Variants in ANKRD28 observed in about 807,000 individuals in gnomAD.
The protein encoded by ANKRD28 is serine/threonine-protein phosphatase 6 regulatory ankyrin repeat subunit A.
In ANKRD28, 44 loss-of-function variants were observed where a neutral mutation model predicts 126.5. That is an observed-to-expected ratio of 0.35 (90% CI 0.27 to 0.45). The LOEUF (loss-of-function observed/expected upper bound fraction) is 0.45, where lower values mean the gene tolerates loss of function less well. ANKRD28 is among the 20% of genes least tolerant of loss of function. ANKRD28 has a pLI of 1.00. For synonymous variants in ANKRD28, 442 were observed against 468.5 expected (o/e 0.94, Z 0.73); for missense variants, 1,110 against 1,316.6 (o/e 0.84, Z 2.43).
intron 7 of ANKRD28, among the ~76,000 whole-genome samples, chr3:15,722,150 G>C (rs1267991650): frequency 1.3e-5 from 2 of 152,156 alleles, no homozygotes; most frequent in Non-Finnish European, 2.9e-5. Context: ...CCTGGCTTCA[G>C]GGAGGTAGGT....
intron 26 of ANKRD28, chr3:15,676,194 C>T (rs546318399): frequency 1.5e-5 from 6 of 403,760 alleles, no homozygotes; most frequent in Non-Finnish European, 2.6e-5. Flanking sequence ...ACGTGTAGCT[C>T]GGCATCAAGC....
At chr3:15,798,676 C>A (rs895971622), upstream of ANKRD28, among the ~76,000 whole-genome samples, 41 of 152,110 alleles carry the variant, frequency 2.7e-4, no homozygotes, top group Admixed American at 2.1e-3. Flanking sequence ...TCCTGAATTA[C>A]CTATGTCAAA....
chr3:15,671,590 T>TG (rs2066364539), intron 27 of ANKRD28, among the ~76,000 whole-genome samples: 3 of 136,728 alleles, frequency 2.2e-5, no homozygotes, highest in African/African-American at 8.0e-5. Flanking sequence ...TTTTTTTTTG[T>TG]TTTTTTTTTT....
chr3:15,692,143 A>AT (rs1491098461), intron 17 of ANKRD28, among the ~76,000 whole-genome samples: 102 of 128,378 alleles, frequency 7.9e-4, no homozygotes, highest in African/African-American at 2.1e-3. Context: ...GTATCTCTAA[A>AT]TAAAAAAAAA....
intron 15 of ANKRD28, among the ~76,000 whole-genome samples, chr3:15,695,506 G>A (rs1210630116): frequency 2.0e-5 from 3 of 151,900 alleles, no homozygotes; most frequent in Non-Finnish European, 2.9e-5. Flanking sequence ...TTATATCTAC[G>A]CTCGTTGAAT....
intron 1 of ANKRD28, among the ~76,000 whole-genome samples, chr3:15,840,878 C>A (rs765442852): frequency 5.9e-5 from 9 of 152,218 alleles, no homozygotes; most frequent in African/African-American, 1.7e-4. Flanking sequence ...TGGTGGCTCA[C>A]GCCTGTAATC....
intron 3 of ANKRD28, among the ~76,000 whole-genome samples, chr3:15,765,244 G>C (rs1471667791): frequency 2.0e-5 from 3 of 152,068 alleles, no homozygotes; most frequent in Non-Finnish European, 4.4e-5. Context: ...CACAATAGGA[G>C]CTATTCTATC....
intron 8 of ANKRD28, among the ~76,000 whole-genome samples, chr3:15,720,323 A>T (rs1559402744): frequency 6.6e-6 from 1 of 152,154 alleles, no homozygotes; most frequent in Non-Finnish European, 1.5e-5. Flanking sequence ...ACATCCATAT[A>T]CATACCATCT....
In ANKRD28 at chr3:15,734,667, C is replaced by T. The variant is rs190241521; in HGVS notation, c.640+743G>A. 9.3e-4 allele frequency among the ~76,000 whole-genome samples: 142 copies of T among 152,276 alleles called. 3 individuals carry two copies. The highest frequency in any genetic ancestry group is 9.1e-3 in the Admixed American group (139 of 15,278). Reference sequence around the variant, plus strand: ...CTTTAAGGATTTATGGCAAGGTGTACTTTCTCTATACTTAGAGATCTACCT... The same window carrying T: ...CTTTAAGGATTTATGGCAAGGTGTATTTTCTCTATACTTAGAGATCTACCT... On this transcript the variant is annotated intron_variant, in intron 6 of 27. Transcript: ENST00000683139.
intron 18 of ANKRD28, 26 bp downstream of exon 18, chr3:15,689,993 T>C (rs2068600387): frequency 6.4e-7 from 1 of 1,559,144 alleles, no homozygotes; most frequent in Non-Finnish European, 8.7e-7. Context: ...AAGTTATAAA[T>C]AAATCAAGCA....
chr3:15,689,327 T>G (rs897074321), intron 18 of ANKRD28, among the ~76,000 whole-genome samples: 2 of 152,230 alleles, frequency 1.3e-5, no homozygotes, highest in Non-Finnish European at 2.9e-5. Flanking sequence ...TAGTGGGGCT[T>G]CTGTCTGGAG....
rs186191173 is a variant in ANKRD28 at position 15,695,436 on chromosome 3, G to C, written c.1660-222C>G. 2.8e-3 allele frequency among the ~76,000 whole-genome samples: 431 copies of C among 152,202 alleles called. 2 individuals are homozygous for C. Among genetic ancestry groups the C allele is most frequent in the Middle Eastern group, 0.01 (3 of 292 alleles). ...TGAATATCCATAACGTAGGAAAATA[G>C]TTATTTTTGTAGCAGGGCTCTAAGT... On this transcript the variant is annotated intron_variant, in intron 15 of 27. Transcript: ENST00000683139.
At chr3:15,706,945 A>C (rs573830686) in intron 14 of ANKRD28, among the ~76,000 whole-genome samples, 3 of 151,954 alleles carry the variant, frequency 2.0e-5, no homozygotes, top group East Asian at 3.9e-4. Flanking sequence ...TTGTTTGAAA[A>C]ACCCCTAGAA....
intron 1 of ANKRD28, among the ~76,000 whole-genome samples, chr3:15,795,708 G>C (rs2060247060): frequency 6.6e-6 from 1 of 152,102 alleles, no homozygotes; most frequent in Non-Finnish European, 1.5e-5. Context: ...GAAAAGGTCT[G>C]TTTGGGGCAT....
At chr3:15,821,675 G>A (rs1340356623) in intron 1 of ANKRD28, among the ~76,000 whole-genome samples, 1 of 152,132 alleles carries the variant, frequency 6.6e-6, no homozygotes, top group East Asian at 1.9e-4. Context: ...ATGCTGCTAG[G>A]TTTTCATAGG....
chr3:15,679,589 T>C, intron 21 of ANKRD28, 26 bp from the exon 22 acceptor site: 1 of 1,578,074 alleles, frequency 6.3e-7, no homozygotes, highest in Non-Finnish European at 8.6e-7. Flanking sequence ...GAACCAGGTA[T>C]TAAAATTCAA....
At chr3:15,841,843 A>G (rs374524343) in intron 1 of ANKRD28, among the ~76,000 whole-genome samples, 86 of 152,282 alleles carry the variant, frequency 5.6e-4, no homozygotes, top group African/African-American at 1.9e-3. Flanking sequence ...GCAAACTAGT[A>G]CAACCACTAG....
chr3:15,702,493 T>C (rs910277511), intron 14 of ANKRD28, among the ~76,000 whole-genome samples: 4 of 152,142 alleles, frequency 2.6e-5, no homozygotes, highest in African/African-American at 4.8e-5. Context: ...TCTGAAAAAA[T>C]ATTTAAGGCT....
intron 14 of ANKRD28, among the ~76,000 whole-genome samples, chr3:15,704,857 T>C (rs2071141220): frequency 6.6e-6 from 1 of 152,132 alleles, no homozygotes; most frequent in Admixed American, 6.5e-5. Context: ...ATTGAATCAA[T>C]AAATGATGGC....
Sources: allele counts gnomAD v4.1 joint callset (sites outside exome capture counted in the v4.1 genomes callset), GRCh38; gene constraint gnomAD v4.1.1; transcripts MANE v1.5; gene names NCBI Gene and HGNC (gene_info 2026-07-23, HGNC 2026-07-21).